MTSS2: variants seen among roughly 807,000 people sequenced by gnomAD.
MTSS2 encodes the protein protein MTSS 2.
In MTSS2, 27 loss-of-function variants were observed where a neutral mutation model predicts 67.1. The observed-to-expected ratio is 0.40, with a 90% CI of 0.30 to 0.55. MTSS2 has a LOEUF of 0.55. MTSS2 is among the 20% of genes least tolerant of loss of function. The probability of loss-of-function intolerance (pLI) is 0.43; values close to 1 mark genes in which losing one functional copy is unlikely to be tolerated. For synonymous variants in MTSS2, 624 were observed against 468.6 expected, an observed-to-expected ratio of 1.33 and a Z score of -4.28; for missense variants, 1,171 against 1,067.8, an observed-to-expected ratio of 1.10 and a Z score of -1.35.
chr16:70,671,191 G>A (rs1187457718), intron 11 of MTSS2, among the ~76,000 whole-genome samples: 1 of 151,880 alleles, frequency 6.6e-6, no homozygotes, highest in East Asian at 1.9e-4. Flanking sequence ...GGCACAGGCG[G>A]ATCACTTGAG....
rs1261929812 is a variant in MTSS2 at position 70,679,709 on chromosome 16, A to T, written c.383-5T>A. On this transcript the variant is annotated splice_polypyrimidine_tract_variant and splice_region_variant and intron_variant, in intron 5 of 14. Coordinates refer to ENST00000338779, the MANE Select transcript of MTSS2 (RefSeq NM_138383.3). ...CATGCCGGGCTCGTTTGTACTCTGC[A>T]GAAGGGGAGAGCGGAGCGCTCTAAT... is the stretch of plus-strand genomic sequence containing the variant. 1 of 1,611,150 alleles carries T rather than the reference A, an allele frequency of 6.2e-7. No homozygotes were observed. Among genetic ancestry groups the T allele is most frequent in the Non-Finnish European group, 8.5e-7 (1 of 1,178,796 alleles).
At chr16:70,676,283 C>T (rs2053113395) in intron 10 of MTSS2, among the ~76,000 whole-genome samples, 1 of 152,242 alleles carries the variant, frequency 6.6e-6, no homozygotes, top group African/African-American at 2.4e-5. Flanking sequence ...ACTGCGAGAT[C>T]CTTGGCCTCT....
intron 11 of MTSS2, among the ~76,000 whole-genome samples, chr16:70,673,288 A>C (rs533840932): frequency 6.6e-6 from 1 of 152,370 alleles, no homozygotes; most frequent in African/African-American, 2.4e-5. Context: ...CGCTGTAGCA[A>C]AACTAAAGAG....
chr16:70,664,268 A>C lies in MTSS2; in HGVS notation c.1653T>G (p.Thr551=), dbSNP rs769680472. 61 of 1,558,744 alleles carry C rather than the reference A, an allele frequency of 3.9e-5. No individual in the cohort carries two copies. In the Middle Eastern group the frequency reaches 5.2e-4, roughly 13 times the overall value. ...GLPTAGLPTA[T]GLPSGAPPGV... ...CGGGGGGTGCGCCCGAGGGCAGGCC[A>C]GTGGCCGTGGGCAGCCCCGCGGTGG... is the stretch of plus-strand genomic sequence containing the variant. The change falls in exon 15 of 15, where the codon ACT becomes ACG. Residue 551 remains threonine, a synonymous_variant. Transcript: ENST00000338779.
intron 12 of MTSS2, 115 bp from the exon 13 acceptor site, chr16:70,665,211 T>A: frequency 8.0e-7 from 1 of 1,251,620 alleles, no homozygotes; most frequent in Non-Finnish European, 1.1e-6. Context: ...GGTCTCTGGT[T>A]CGCAATCACA....
intron 11 of MTSS2, among the ~76,000 whole-genome samples, chr16:70,672,051 A>G (rs112747182): frequency 2.6e-5 from 4 of 152,294 alleles, no homozygotes; most frequent in African/African-American, 9.6e-5. Context: ...AACACGAAAC[A>G]CTATGTAGGG....
chr16:70,672,365 A>AAAAG lies in MTSS2; in HGVS notation c.1053+1937_1053+1940dup, dbSNP rs1430167769. Among the ~76,000 whole-genome samples the AAAAG allele has an allele frequency of 1.5e-4, 22 of 150,640 alleles. No individual in the cohort carries two copies. In the East Asian group the frequency reaches 4.3e-3, roughly 29 times the overall value. ...TCAAAAAAAAAAAAAAAAAAAAAGG[A>AAAAG]AAAGAGAAAAACCCGGGAACATTAT... On this transcript the variant is annotated intron_variant, in intron 11 of 14. Transcript: ENST00000338779.
chr16:70,678,609 C>T (rs768368076), intron 7 of MTSS2, among the ~76,000 whole-genome samples, 200 bp from the exon 8 acceptor site: 75 of 152,322 alleles, frequency 4.9e-4, no homozygotes, highest in East Asian at 7.7e-4. Flanking sequence ...AGAGGACAGA[C>T]ACACACACAA....
chr16:70,674,676 G>A, intron 10 of MTSS2, 148 bp from the exon 11 acceptor site: 1 of 711,026 alleles, frequency 1.4e-6, no homozygotes, highest in East Asian at 2.7e-5. Context: ...CTGAGACCCA[G>A]GTGCTACACA....
intron 11 of MTSS2, among the ~76,000 whole-genome samples, chr16:70,667,318 CAT>C (rs1162080290): frequency 9.8e-6 from 1 of 102,288 alleles, no homozygotes; most frequent in Non-Finnish European, 1.9e-5. Flanking sequence ...TTACAAGTAA[CAT>C]AATAGTATAT....
chr16:70,668,306 G>A (rs2052797043), intron 11 of MTSS2, among the ~76,000 whole-genome samples: 2 of 152,066 alleles, frequency 1.3e-5, no homozygotes, highest in South Asian at 4.2e-4. Context: ...CTACTCAGGA[G>A]GCTGAGGCAT....
Position 70,664,161 on chromosome 16 carries a change from C to A in MTSS2, c.1760G>T (p.Arg587Leu), listed in dbSNP as rs771585796. Residue 587 changes from arginine (R) to leucine (L), a missense_variant, in exon 15 of 15, where the codon CGG becomes CTG. Coordinates refer to ENST00000338779, the MANE Select transcript of MTSS2 (RefSeq NM_138383.3). ...ALSSAGPIPI[R>L]PPIVPVKTPT... Reference sequence around the variant, plus strand: ...CGTCTTCACAGGGACGATGGGCGGCCGGATGGGGATGGGGCCAGCGCTGGA... The same window carrying A: ...CGTCTTCACAGGGACGATGGGCGGCAGGATGGGGATGGGGCCAGCGCTGGA... 5 of 1,606,750 alleles carry A rather than the reference C, an allele frequency of 3.1e-6. No individual in the cohort carries two copies. Among genetic ancestry groups the A allele is most frequent in the Non-Finnish European group, 4.2e-6 (5 of 1,179,508 alleles).
chr16:70,680,400 G>A (rs1207948183), intron 3 of MTSS2, among the ~76,000 whole-genome samples: 1 of 152,190 alleles, frequency 6.6e-6, no homozygotes, highest in Non-Finnish European at 1.5e-5. Context: ...GAAGGAGCGG[G>A]AGCCCCAGGT....
In MTSS2 at chr16:70,680,999, G is replaced by C. The variant is rs759606776; in HGVS notation, c.96C>G (p.Phe32Leu). The change falls in exon 2 of 15, where the codon TTC becomes TTG. Residue 32 changes from phenylalanine to leucine, a missense_variant. By Grantham distance (22) the Phe-to-Leu change is conservative. Coordinates refer to ENST00000338779, the MANE Select transcript of MTSS2 (RefSeq NM_138383.3). ...MKSSYPIWED[F>L]NSKATKLHSQ... ...AATGCAGCTTCGTGGCCTTGGAGTT[G>C]AAGTCCTCCCAGATAGGGTAGGAGC... The C allele has an allele frequency of 6.2e-6, 10 of 1,610,332 alleles. No homozygotes were observed. The Admixed American group carries it at 1.7e-4, about 27-fold the overall frequency.
chr16:70,678,857 G>A (rs2053206302), intron 7 of MTSS2, among the ~76,000 whole-genome samples: 1 of 152,090 alleles, frequency 6.6e-6, no homozygotes. Context: ...AGGAGAGCTA[G>A]GGCTGGGCCT....
At chr16:70,684,037 A>G (rs2053382459) in intron 1 of MTSS2, among the ~76,000 whole-genome samples, 1 of 152,204 alleles carries the variant, frequency 6.6e-6, no homozygotes, top group Admixed American at 6.5e-5. Flanking sequence ...ATCTGGGCCC[A>G]CTTCCTTCTG....
At chr16:70,682,707 T>C (rs181033161) in intron 1 of MTSS2, among the ~76,000 whole-genome samples, 1 of 143,314 alleles carries the variant, frequency 7.0e-6, no homozygotes, top group Non-Finnish European at 1.5e-5. Context: ...TTATGTCTTA[T>C]TTGTTTATAT....
Position 70,661,478 on chromosome 16 carries a change from A to G in MTSS2, c.*2199T>C, listed in dbSNP as rs2052466258. ...AGTTAACAACAGCACCAGGAAAGTT[A>G]CTTCAGTCAAAAGACGCTTTTGAAA... On this transcript the variant is annotated 3_prime_UTR_variant, in exon 15 of 15. Coordinates refer to ENST00000338779, the MANE Select transcript of MTSS2 (RefSeq NM_138383.3). 5.6e-6 allele frequency: 2 copies of G among 354,468 alleles called. No individual in the cohort carries two copies. The highest frequency in any genetic ancestry group is 3.8e-5 in the Admixed American group (1 of 26,392). The allele number at this position is 354,468 out of a possible 1,614,324, so 22.0% of individuals were successfully genotyped here.
In MTSS2 at chr16:70,664,908, T is replaced by TGGCC; in HGVS notation, c.1305+8_1305+11dup. The TGGCC allele has an allele frequency of 6.5e-7, 1 of 1,535,456 alleles. No homozygotes were observed. The highest frequency in any genetic ancestry group is 8.7e-7 in the Non-Finnish European group (1 of 1,145,222). On this transcript the variant is annotated intron_variant, in intron 13 of 14. Coordinates refer to ENST00000338779, the MANE Select transcript of MTSS2 (RefSeq NM_138383.3). Reference sequence around the variant, plus strand: ...CTGACCTGGGCGTGAAGGGGGGCCCTGGCCAGCCTACCTTGGCTGCGATGG... The same window carrying TGGCC: ...CTGACCTGGGCGTGAAGGGGGGCCCTGGCCGGCCAGCCTACCTTGGCTGCGATGG...
Sources: gnomAD v4.1 joint callset for allele counts (sites outside exome capture counted in the v4.1 genomes callset) on GRCh38, gnomAD v4.1.1 for gene constraint, MANE v1.5 for transcripts, NCBI Gene and HGNC (gene_info 2026-07-23, HGNC 2026-07-21) for gene names.